NCKAP5: variants seen among roughly 807,000 people sequenced by gnomAD.
NCKAP5 encodes the protein nck-associated protein 5.
In NCKAP5, 92 loss-of-function variants were observed where a neutral mutation model predicts 167.0. The observed-to-expected ratio is 0.55, with a 90% CI of 0.47 to 0.66. The LOEUF (loss-of-function observed/expected upper bound fraction) is 0.66. Ranked by LOEUF, NCKAP5 falls within the 30% of genes least tolerant of loss-of-function variation. The probability of loss-of-function intolerance (pLI) is 0.00; values close to 1 mark genes in which losing one functional copy is unlikely to be tolerated. For synonymous variants in NCKAP5, 891 were observed against 877.4 expected (o/e 1.02, Z -0.27); for missense variants, 2,378 against 2,315.0 (o/e 1.03, Z -0.56).
chr2:133,606,255 T>C, the NCKAP5 span, among the ~76,000 whole-genome samples: 1 of 152,346 alleles, frequency 6.6e-6, no homozygotes, highest in South Asian at 2.1e-4. Flanking sequence ...TCCCATATTA[T>C]AATATCTCAG....
At position 133,503,729 on chromosome 2, in the gene NCKAP5, G is replaced by A. The variant is rs140027214; in HGVS notation, c.69+13729C>T. Among the ~76,000 whole-genome samples the A allele has an allele frequency of 3.6e-3, 553 of 152,292 alleles. 1 individual carries two copies. The highest frequency in any genetic ancestry group is 6.7e-3 in the Non-Finnish European group (453 of 68,026). ...CATCTTCCTGCTCCTATTATACTAA[G>A]ACTCATCCTACTTAATTCCTCATTT... On this transcript the variant is annotated intron_variant, in intron 3 of 19. Coordinates refer to ENST00000409261, the MANE Select transcript of NCKAP5 (RefSeq NM_207363.3).
chr2:132,982,184 A>C (rs539986658), intron 7 of NCKAP5, among the ~76,000 whole-genome samples: 2 of 152,244 alleles, frequency 1.3e-5, no homozygotes, highest in Non-Finnish European at 1.5e-5. Context: ...TGAATACTTA[A>C]AATGTGCTAT....
At chr2:133,001,785 C>G (rs1452591221) in intron 6 of NCKAP5, among the ~76,000 whole-genome samples, 2 of 152,058 alleles carry the variant, frequency 1.3e-5, no homozygotes, top group African/African-American at 2.4e-5. Context: ...AAATGCTGCA[C>G]AGTTAAGCCC....
At chr2:133,197,351 T>C (rs986734924) in intron 5 of NCKAP5, among the ~76,000 whole-genome samples, 1 of 152,154 alleles carries the variant, frequency 6.6e-6, no homozygotes, top group Admixed American at 6.6e-5. Context: ...TCAGGTGATA[T>C]TAGAGCCACA....
chr2:133,586,130 T>C, the NCKAP5 span, among the ~76,000 whole-genome samples: 1 of 152,140 alleles, frequency 6.6e-6, no homozygotes, highest in African/African-American at 2.4e-5. Flanking sequence ...ATAGTAAAAG[T>C]TCATTCAGTT....
intron 3 of NCKAP5, among the ~76,000 whole-genome samples, chr2:133,442,993 T>G (rs1406116434): frequency 6.6e-6 from 1 of 152,212 alleles, no homozygotes. Context: ...GGTGCTAGTT[T>G]TTAAGATGAT....
chr2:133,088,019 T>G (rs2081051090), intron 6 of NCKAP5, among the ~76,000 whole-genome samples: 1 of 152,218 alleles, frequency 6.6e-6, no homozygotes, highest in Non-Finnish European at 1.5e-5. Context: ...TTACCAGGGC[T>G]GTATTTTCCC....
At chr2:133,191,689 G>A (rs2085226845) in intron 5 of NCKAP5, among the ~76,000 whole-genome samples, 1 of 152,094 alleles carries the variant, frequency 6.6e-6, no homozygotes, top group Non-Finnish European at 1.5e-5. Flanking sequence ...TACACCACAT[G>A]TTCTCACTCA....
At chr2:133,513,262 C>T (rs1299316695) in intron 3 of NCKAP5, among the ~76,000 whole-genome samples, 3 of 152,190 alleles carry the variant, frequency 2.0e-5, no homozygotes, top group Non-Finnish European at 4.4e-5. Flanking sequence ...CTAACTATAG[C>T]TGGAGTTCTG....
At chr2:133,238,051 T>C (rs909820910) in intron 4 of NCKAP5, among the ~76,000 whole-genome samples, 3 of 152,144 alleles carry the variant, frequency 2.0e-5, no homozygotes, top group Admixed American at 6.5e-5. Context: ...TTCGCTCTCA[T>C]GCAAAAGAGA....
At chr2:133,187,447 T>C (rs1405220466) in intron 5 of NCKAP5, among the ~76,000 whole-genome samples, 1 of 152,052 alleles carries the variant, frequency 6.6e-6, no homozygotes, top group African/African-American at 2.4e-5. Flanking sequence ...CCCAGCTACT[T>C]TGGAAGCTAT....
intron 16 of NCKAP5, among the ~76,000 whole-genome samples, chr2:132,764,857 T>C (rs1397119215): frequency 6.6e-6 from 1 of 152,250 alleles, no homozygotes; most frequent in African/African-American, 2.4e-5. Context: ...CTTTCTAAGA[T>C]ACACTTTTAT....
rs140375960 is a variant in NCKAP5 at position 133,505,055 on chromosome 2, G to A, written c.69+12403C>T. On this transcript the variant is annotated intron_variant, in intron 3 of 19. Transcript: ENST00000409261. ...GGTGCCTGGAGCAAGGAGAACCAGCGGGACCTTGTGCACAGGGAGTCATTG... is the reference window on the plus strand; with the variant it reads ...GGTGCCTGGAGCAAGGAGAACCAGCAGGACCTTGTGCACAGGGAGTCATTG... 3.0e-3 allele frequency among the ~76,000 whole-genome samples: 464 copies of A among 152,290 alleles called. 3 individuals are homozygous for A. The highest frequency in any genetic ancestry group is 0.011 in the African/African-American group (438 of 41,554).
chr2:132,708,683 C>T (rs926001504), intron 19 of NCKAP5, among the ~76,000 whole-genome samples: 8 of 152,314 alleles, frequency 5.3e-5, no homozygotes, highest in South Asian at 2.1e-4. Flanking sequence ...ACCTGCTGAC[C>T]GTAGAGCGCT....
chr2:132,674,720 G>C (rs1376771062), intron 19 of NCKAP5, among the ~76,000 whole-genome samples: 1 of 152,210 alleles, frequency 6.6e-6, no homozygotes, highest in East Asian at 1.9e-4. Flanking sequence ...GATGGCTTCT[G>C]TGTTCCAAGA....
intron 19 of NCKAP5, among the ~76,000 whole-genome samples, chr2:132,707,944 C>T (rs917929980): frequency 3.3e-5 from 5 of 152,034 alleles, no homozygotes; most frequent in East Asian, 1.9e-4. Context: ...AAGATATACC[C>T]GGGATGATAC....
At chr2:132,814,691 G>C (rs1328537318) in intron 11 of NCKAP5, among the ~76,000 whole-genome samples, 1 of 152,146 alleles carries the variant, frequency 6.6e-6, no homozygotes, top group East Asian at 1.9e-4. Flanking sequence ...GCTGCTCGTC[G>C]ATTTCCCCAG....
intron 8 of NCKAP5, among the ~76,000 whole-genome samples, chr2:132,879,246 A>G (rs1423216612): frequency 6.6e-6 from 1 of 152,224 alleles, no homozygotes; most frequent in African/African-American, 2.4e-5. Flanking sequence ...AATGGGAGAA[A>G]TGCCTTAATC....
At chr2:133,189,264 A>G (rs1020800447) in intron 5 of NCKAP5, among the ~76,000 whole-genome samples, 2 of 152,228 alleles carry the variant, frequency 1.3e-5, no homozygotes, top group South Asian at 2.1e-4. Flanking sequence ...TAGACCGATA[A>G]CAGGCTCTGA....
Sources: gnomAD v4.1 joint callset for allele counts (sites outside exome capture counted in the v4.1 genomes callset) on GRCh38, gnomAD v4.1.1 for gene constraint, MANE v1.5 for transcripts, NCBI Gene and HGNC (gene_info 2026-07-23, HGNC 2026-07-21) for gene names.